KMT2E: variants seen among roughly 807,000 people sequenced by gnomAD.
KMT2E encodes lysine methyltransferase 2E (inactive).
Under a neutral mutation model 184.6 loss-of-function variants are expected in KMT2E, and 30 were observed. That is an observed-to-expected ratio of 0.16 (90% confidence interval 0.12 to 0.22). KMT2E has a LOEUF of 0.22. Among genes scored for constraint, KMT2E ranks in the 10% least tolerant of loss-of-function variants. The pLI, the probability that KMT2E is intolerant of heterozygous loss-of-function variation, is 1.00. For synonymous variants in KMT2E, 815 were observed against 776.5 expected (o/e 1.05, Z -0.82); for missense variants, 2,023 against 2,237.4 (o/e 0.90, Z 1.93).
At chr7:105,034,768 A>G (rs746232531) in intron 1 of KMT2E, among the ~76,000 whole-genome samples, 8 of 145,932 alleles carry the variant, frequency 5.5e-5, no homozygotes, top group Admixed American at 1.5e-4. Context: ...TGAATAACCT[A>G]TCCTCCATTT....
At chr7:105,067,971 C>CA (rs1360545662) in intron 6 of KMT2E, among the ~76,000 whole-genome samples, 1 of 151,520 alleles carries the variant, frequency 6.6e-6, no homozygotes, top group African/African-American at 2.4e-5. Context: ...GAGCCTGTTT[C>CA]AAAAAAACAA....
Position 105,107,208 on chromosome 7 carries a change from A to G in KMT2E, c.2890A>G (p.Thr964Ala). ...AAGTTCTCCAGAAATAAAGAGACGC[A>G]CTTATAGTCAAGAGGTAAGAAGTTA... ...PESSPEIKRR[T>A]YSQEGYDRSS... is the part of the protein sequence containing the mutation. The change falls in exon 21 of 27, where the codon ACT (threonine) becomes GCT (alanine). Residue 964 changes from threonine to alanine, a missense_variant. Thr to Ala is a moderately conservative substitution (Grantham distance 58). Around this residue, in one of 8 missense-constraint regions of KMT2E, gnomAD observed 514 missense variants for 621.8 expected, o/e 0.83. Coordinates refer to ENST00000311117, the MANE Select transcript of KMT2E (RefSeq NM_182931.3). 6.4e-7 allele frequency: 1 copy of G among 1,559,652 alleles called. No homozygotes were observed. The highest frequency in any genetic ancestry group is 8.7e-7 in the Non-Finnish European group (1 of 1,145,958).
At chr7:105,104,242 A>G (rs1387829287) in intron 17 of KMT2E, 1 of 152,206 alleles carries the variant, frequency 6.6e-6, no homozygotes, top group East Asian at 1.9e-4. Context: ...AGGGTCAGGT[A>G]TATTCATATA....
chr7:105,075,940 G>C (rs1385755681), intron 8 of KMT2E, 103 bp from the exon 9 acceptor site: 5 of 847,824 alleles, frequency 5.9e-6, no homozygotes, highest in Non-Finnish European at 9.5e-6. Context: ...CAAATTTTTT[G>C]TTATGACACT....
At position 105,073,684 on chromosome 7, in the gene KMT2E, A is replaced by C; in HGVS notation, c.556+7A>C. The stretch of plus-strand genomic sequence containing the variant: ...AAAAGGGAAAATATGTCAGGTAGGT[A>C]AAAAGGACCTACACTAAATTAAAAT... On this transcript the variant is annotated splice_region_variant and intron_variant, in intron 7 of 26. Coordinates refer to ENST00000311117, the MANE Select transcript of KMT2E (RefSeq NM_182931.3). 6.4e-7 allele frequency: 1 copy of C among 1,557,442 alleles called. No individual in the cohort carries two copies.
intron 1 of KMT2E, among the ~76,000 whole-genome samples, chr7:105,034,663 CCA>C (rs1795558104): frequency 2.0e-5 from 3 of 152,092 alleles, no homozygotes; most frequent in Admixed American, 2.0e-4. Flanking sequence ...GTACCCACCA[CCA>C]CAGTTAAGGT....
chr7:105,109,964 T>C (rs1212881344), intron 23 of KMT2E, among the ~76,000 whole-genome samples: 1 of 151,574 alleles, frequency 6.6e-6, no homozygotes, highest in African/African-American at 2.4e-5. Flanking sequence ...CTGCCTCAGC[T>C]TCCCGAGTAG....
rs1291142043 is a variant in KMT2E, at chr7:105,051,091, TTTTTCTC to T, written c.71+10070_71+10076del. On this transcript the variant is annotated intron_variant, in intron 3 of 26. Transcript: ENST00000311117. ...TCTTTCTTTCTTCTTCTTTCTTTCT[TTTTTCTC>T]TCTCTCTCTCTTTCTTCCTTTCCTC... is the stretch of plus-strand genomic sequence containing the variant. 2.7e-3 allele frequency among the ~76,000 whole-genome samples: 368 copies of T among 134,904 alleles called. 2 individuals carry two copies. Among genetic ancestry groups the T allele is most frequent in the Non-Finnish European group, 3.9e-3 (235 of 59,594 alleles). 88.5% of individuals were successfully genotyped at this position (134,904 alleles called of 152,430 possible).
rs74872276 is a variant in KMT2E, at chr7:105,053,247, T to G, written c.72-8917T>G. Among the ~76,000 whole-genome samples the G allele has an allele frequency of 3.0e-3, 456 of 152,294 alleles. 15 individuals are homozygous for G. The East Asian group carries it at 0.062, about 21-fold the overall frequency. On this transcript the variant is annotated intron_variant, in intron 3 of 26. Coordinates refer to ENST00000311117, the MANE Select transcript of KMT2E (RefSeq NM_182931.3). ...GTGATGAGAGGGAGATTGAAATTTATTATTAATATCTATGTTATCTAAGTG... is the reference window on the plus strand; with the variant it reads ...GTGATGAGAGGGAGATTGAAATTTAGTATTAATATCTATGTTATCTAAGTG...
chr7:105,025,426 C>G (rs1795138568), intron 1 of KMT2E, among the ~76,000 whole-genome samples: 1 of 152,076 alleles, frequency 6.6e-6, no homozygotes, highest in African/African-American at 2.4e-5. Flanking sequence ...TCTCTGACTT[C>G]TGTGTGTAAG....
In KMT2E at chr7:105,107,979, A is replaced by G. The variant is rs1329156649; in HGVS notation, c.3468+54A>G. On this transcript the variant is annotated intron_variant, in intron 22 of 26. Coordinates refer to ENST00000311117, the MANE Select transcript of KMT2E (RefSeq NM_182931.3). ...TTAATAGTTTTTTTTTTTTTTTCAT[A>G]ATACTACTGAGGGGAATTGTTAGAT... The G allele has an allele frequency of 3.6e-6, 4 of 1,110,658 alleles. No homozygotes were observed. The African/African-American group carries it at 6.4e-5, about 18-fold the overall frequency. The allele number at this position is 1,110,658 out of a possible 1,614,324, so 68.8% of individuals were successfully genotyped here.
chr7:105,020,979 A>G (rs887119723), intron 1 of KMT2E, among the ~76,000 whole-genome samples: 6 of 152,250 alleles, frequency 3.9e-5, no homozygotes, highest in Non-Finnish European at 7.3e-5. Flanking sequence ...AGAGACTAAT[A>G]TATGTAATCG....
At chr7:105,029,454 G>T (rs541214163) in intron 1 of KMT2E, among the ~76,000 whole-genome samples, 1 of 152,298 alleles carries the variant, frequency 6.6e-6, no homozygotes, top group African/African-American at 2.4e-5. Context: ...GGAGGGAAAT[G>T]CTTAAACAAT....
At chr7:105,106,837 T>C (rs1355101810) in intron 20 of KMT2E, 65 bp downstream of exon 20, 2 of 1,499,832 alleles carry the variant, frequency 1.3e-6, no homozygotes, top group Non-Finnish European at 1.8e-6. Flanking sequence ...TTTTAAGAGC[T>C]CTTTCCCCTC....
At chr7:105,016,770 T>C (rs186539047) in intron 1 of KMT2E, among the ~76,000 whole-genome samples, 41 of 152,322 alleles carry the variant, frequency 2.7e-4, no homozygotes, top group African/African-American at 9.9e-4. Context: ...ATACACTGTT[T>C]CATGATTCTT....
At chr7:105,094,169 G>A (rs1798315404) in intron 15 of KMT2E, among the ~76,000 whole-genome samples, 1 of 152,100 alleles carries the variant, frequency 6.6e-6, no homozygotes, top group Admixed American at 6.6e-5. Context: ...ATTATATTTG[G>A]TTTTGAAAAG....
chr7:105,028,530 C>G (rs1366871414), intron 1 of KMT2E, among the ~76,000 whole-genome samples: 1 of 152,098 alleles, frequency 6.6e-6, no homozygotes, highest in South Asian at 2.1e-4. Context: ...TGGTCTCATT[C>G]ACCCAGGCTG....
chr7:105,041,055 A>G, intron 3 of KMT2E, 32 bp downstream of exon 3: 1 of 1,345,784 alleles, frequency 7.4e-7, no homozygotes, highest in Non-Finnish European at 1.0e-6. Context: ...ATAAGCAAAA[A>G]AAAAAAAAAA....
At position 105,073,501 on chromosome 7, in the gene KMT2E, TA is replaced by T. The variant is rs1288342431; in HGVS notation, c.498-117del. On this transcript the variant is annotated intron_variant, in intron 6 of 26. Transcript: ENST00000311117. ...AAACTGTATTGCAAGGGATTTTGTATATATTTTATACTGTTGGTTTTTCACT... is the reference window on the plus strand; with the variant it reads ...AAACTGTATTGCAAGGGATTTTGTATTATTTTATACTGTTGGTTTTTCACT... 1.3e-5 allele frequency: 8 copies of T among 621,366 alleles called. No individual in the cohort carries two copies. The East Asian group carries it at 2.3e-4, about 18-fold the overall frequency. The allele number at this position is 621,366 out of a possible 1,614,324, so 38.5% of individuals were successfully genotyped here.
Sources: gnomAD v4.1 joint callset for allele counts (sites outside exome capture counted in the v4.1 genomes callset) on GRCh38, gnomAD v4.1.1 for gene constraint, gnomAD v4.1.1 regional missense constraint, MANE v1.5 for transcripts, NCBI Gene and HGNC (gene_info 2026-07-23, HGNC 2026-07-21) for gene names.